The following EPM2A variants were observed in gnomAD, a reference collection of about 807,000 sequenced individuals.
EPM2A encodes the protein laforin.
A neutral mutation model predicts 26.5 loss-of-function variants in EPM2A; 21 were observed. The observed-to-expected ratio is 0.79, with a 90% confidence interval of 0.56 to 1.14. The LOEUF (loss-of-function observed/expected upper bound fraction) is 1.14. EPM2A is among the 50% of genes most tolerant of loss of function. The pLI, the probability that EPM2A is intolerant of heterozygous loss-of-function variation, is 0.00. For synonymous variants in EPM2A, 217 were observed against 177.6 expected, an observed-to-expected ratio of 1.22 and a Z score of -1.76; for missense variants, 458 against 440.8, an observed-to-expected ratio of 1.04 and a Z score of -0.35.
chr6:145,681,600 T>C (rs1362709345), intron 2 of EPM2A, among the ~76,000 whole-genome samples: 1 of 151,324 alleles, frequency 6.6e-6, no homozygotes, highest in Non-Finnish European at 1.5e-5. Context: ...CAGTTTCAGC[T>C]TTCTACATAT....
intron 2 of EPM2A, among the ~76,000 whole-genome samples, chr6:145,517,152 C>T (rs1331946494): frequency 7.9e-5 from 12 of 152,080 alleles, no homozygotes; most frequent in Admixed American, 7.9e-4. Context: ...AATAGTCAAA[C>T]TCATAGAAAC....
chr6:145,409,837 G>A (rs780144073), intron 4 of EPM2A, among the ~76,000 whole-genome samples: 2 of 152,160 alleles, frequency 1.3e-5, no homozygotes, highest in East Asian at 3.8e-4. Context: ...AATTAATGCT[G>A]GCTAATTGGT....
chr6:145,655,111 T>C (rs1160430686), intron 2 of EPM2A, among the ~76,000 whole-genome samples: 1 of 152,150 alleles, frequency 6.6e-6, no homozygotes, highest in South Asian at 2.1e-4. Flanking sequence ...ATATCATGCT[T>C]TGTTGACACT....
chr6:145,422,320 T>C (rs1778800377), intron 4 of EPM2A, among the ~76,000 whole-genome samples: 1 of 148,182 alleles, frequency 6.7e-6, no homozygotes, highest in Admixed American at 6.8e-5. Flanking sequence ...TTTTTGTGTG[T>C]ATATACATAT....
At chr6:145,718,994 G>A (rs1436322704) in intron 1 of EPM2A, among the ~76,000 whole-genome samples, 3 of 152,324 alleles carry the variant, frequency 2.0e-5, no homozygotes, top group African/African-American at 7.2e-5. Flanking sequence ...AGAGGATGTG[G>A]AGAAATAGGA....
chr6:145,671,355 A>G, intron 2 of EPM2A: 1 of 1,005,914 alleles, frequency 9.9e-7, no homozygotes. Context: ...GAGGGAAAGC[A>G]CCATCTTGAG....
intron 4 of EPM2A, among the ~76,000 whole-genome samples, chr6:145,418,949 A>G (rs529679734): frequency 1.1e-3 from 167 of 152,296 alleles, no homozygotes; most frequent in Non-Finnish European, 1.7e-3. Context: ...AAAATCAAAG[A>G]AGTCTAACTG....
intron 4 of EPM2A, among the ~76,000 whole-genome samples, chr6:145,469,288 A>G (rs1194922875): frequency 2.0e-5 from 3 of 152,044 alleles, no homozygotes; most frequent in Non-Finnish European, 2.9e-5. Flanking sequence ...AATTACCACC[A>G]CCTGGTCTCT....
chr6:145,514,030 G>C (rs1474404252), intron 2 of EPM2A, among the ~76,000 whole-genome samples: 1 of 152,198 alleles, frequency 6.6e-6, no homozygotes, highest in Non-Finnish European at 1.5e-5. Flanking sequence ...GTGGGAGAGA[G>C]AGGGAGAGGT....
intron 2 of EPM2A, among the ~76,000 whole-genome samples, chr6:145,683,618 C>T (rs1285963503): frequency 6.6e-6 from 1 of 152,048 alleles, no homozygotes; most frequent in African/African-American, 2.4e-5. Context: ...GTAAGTGAAG[C>T]TGAAGAAATA....
chr6:145,464,295 G>T (rs188661957), intron 4 of EPM2A, among the ~76,000 whole-genome samples: 2 of 152,182 alleles, frequency 1.3e-5, no homozygotes, highest in Admixed American at 6.6e-5. Context: ...GTTTTCTGAG[G>T]CCTCCCCAGC....
At position 145,669,069 on chromosome 6, in the gene EPM2A, T is replaced by G. The variant is rs1583013829; in HGVS notation, c.476+17053A>C. 2.0e-5 allele frequency among the ~76,000 whole-genome samples: 3 copies of G among 152,196 alleles called. No individual in the cohort carries two copies. The East Asian group carries it at 5.8e-4, about 29-fold the overall frequency. On this transcript the variant is annotated intron_variant, in intron 2 of 3. Coordinates refer to ENST00000367519, the MANE Select transcript of EPM2A (RefSeq NM_005670.4). ...TTTTCAGTGTAATGTTTATACCTGC[T>G]AATGAATCAAGCTGATATTTTCATC...
intron 4 of EPM2A, among the ~76,000 whole-genome samples, chr6:145,393,091 C>T (rs1279325841): frequency 6.6e-6 from 1 of 152,014 alleles, no homozygotes; most frequent in African/African-American, 2.4e-5. Flanking sequence ...TCAATGAGAC[C>T]TTTAGTACTC....
chr6:145,495,434 C>A (rs1779804902), intron 4 of EPM2A, among the ~76,000 whole-genome samples: 1 of 151,638 alleles, frequency 6.6e-6, no homozygotes, highest in African/African-American at 2.4e-5. Context: ...GGTCTTGGTT[C>A]TTTATCCAGC....
At chr6:145,436,818 TTTTTA>T (rs942321748) in intron 4 of EPM2A, among the ~76,000 whole-genome samples, 2 of 152,104 alleles carry the variant, frequency 1.3e-5, no homozygotes, top group African/African-American at 4.8e-5. Context: ...TCTAGTGAAT[TTTTTA>T]TTTTATTTGT....
chr6:145,463,867 C>G (rs1344726795), intron 4 of EPM2A, among the ~76,000 whole-genome samples: 1 of 152,104 alleles, frequency 6.6e-6, no homozygotes, highest in Non-Finnish European at 1.5e-5. Flanking sequence ...TATGGTTTGG[C>G]TATGTCCCCA....
chr6:145,496,641 T>C (rs1779823541), downstream of EPM2A, among the ~76,000 whole-genome samples: 2 of 152,158 alleles, frequency 1.3e-5, no homozygotes, highest in Non-Finnish European at 2.9e-5. Context: ...GTGATTGCAT[T>C]ATAAAATTCC....
intron 2 of EPM2A, among the ~76,000 whole-genome samples, chr6:145,677,315 C>T (rs1021765210): frequency 7.2e-5 from 11 of 152,144 alleles, no homozygotes; most frequent in African/African-American, 2.7e-4. Flanking sequence ...GACAAACCCA[C>T]AGCCAATATT....
At chr6:145,687,281 G>A (rs1202013692) in intron 1 of EPM2A, among the ~76,000 whole-genome samples, 1 of 151,266 alleles carries the variant, frequency 6.6e-6, no homozygotes, top group Non-Finnish European at 1.5e-5. Context: ...ACAGCAAGTC[G>A]TCGCCATCTA....
Sources: allele counts gnomAD v4.1 joint callset (sites outside exome capture counted in the v4.1 genomes callset), GRCh38; gene constraint gnomAD v4.1.1; transcripts MANE v1.5; gene names NCBI Gene and HGNC (gene_info 2026-07-23, HGNC 2026-07-21).